LRP1B: variants seen among roughly 807,000 people sequenced by gnomAD.
The protein encoded by LRP1B is low-density lipoprotein receptor-related protein 1B.
Under a neutral mutation model 556.6 loss-of-function variants are expected in LRP1B, and 217 were observed. The ratio of observed to expected loss-of-function variants is 0.39; its 90% confidence interval spans 0.35 to 0.44. The LOEUF is 0.44. Ranked by LOEUF, LRP1B falls within the 20% of genes least tolerant of loss-of-function variation. LRP1B has a pLI of 1.00. For synonymous variants in LRP1B, 2,047 were observed against 1,865.8 expected, an observed-to-expected ratio of 1.10 and a Z score of -2.50; for missense variants, 5,053 against 5,620.8, an observed-to-expected ratio of 0.90 and a Z score of 3.23.
intron 2 of LRP1B, among the ~76,000 whole-genome samples, chr2:141,677,681 G>A (rs985495519): frequency 6.6e-6 from 1 of 152,056 alleles, no homozygotes; most frequent in Non-Finnish European, 1.5e-5. Flanking sequence ...TAGAGAAGGG[G>A]TTTCTCCATG....
At chr2:141,315,882 CTTTTTTTTTTTTTTTTTTT>C (rs70991157) in intron 3 of LRP1B, among the ~76,000 whole-genome samples, 6 of 18,116 alleles carry the variant, frequency 3.3e-4, no homozygotes, top group East Asian at 1.8e-3. Flanking sequence ...TTAGTCTGGT[CTTTTTTTTTTTTTTTTTTT>C]TTTTTTTTTT....
At chr2:140,678,411 G>A (rs1028466642) in intron 41 of LRP1B, among the ~76,000 whole-genome samples, 4 of 152,112 alleles carry the variant, frequency 2.6e-5, no homozygotes, top group African/African-American at 9.7e-5. Context: ...TCCATGTTTA[G>A]GTTGTAGTTT....
chr2:140,580,244 A>T (rs1681707250), intron 43 of LRP1B, among the ~76,000 whole-genome samples: 2 of 152,236 alleles, frequency 1.3e-5, no homozygotes, highest in African/African-American at 4.8e-5. Flanking sequence ...GTTCATAACA[A>T]AAAAGACGCA....
chr2:141,834,487 G>A (rs1420426385), intron 1 of LRP1B, among the ~76,000 whole-genome samples: 1 of 151,912 alleles, frequency 6.6e-6, no homozygotes, highest in Non-Finnish European at 1.5e-5. Context: ...GCTGTTTCTG[G>A]TGCAGGTGTT....
chr2:142,056,020 G>A (rs189431504), intron 1 of LRP1B, among the ~76,000 whole-genome samples: 153 of 152,074 alleles, frequency 1.0e-3, no homozygotes, highest in Middle Eastern at 3.4e-3. Context: ...GCGTGGTATC[G>A]CATGCCTGTA....
intron 41 of LRP1B, among the ~76,000 whole-genome samples, chr2:140,650,313 ATT>A (rs1449611158): frequency 7.4e-3 from 2 of 270 alleles, no homozygotes; most frequent in Non-Finnish European, 0.036. Context: ...TTTTATTTTT[ATT>A]TATTTATTTA....
At position 141,234,974 on chromosome 2, in the gene LRP1B, G is replaced by C. The variant is rs72855045; in HGVS notation, c.593-5534C>G. ...ATAATGGTCACATTGATTTCTCCCTGTTTTCATTCCTTAACTATTTTTTAA... is the reference window on the plus strand; with the variant it reads ...ATAATGGTCACATTGATTTCTCCCTCTTTTCATTCCTTAACTATTTTTTAA... On this transcript the variant is annotated intron_variant, in intron 5 of 90. Coordinates refer to ENST00000389484, the MANE Select transcript of LRP1B (RefSeq NM_018557.3). Among the ~76,000 whole-genome samples, 436 of 151,782 alleles carry C rather than the reference G, an allele frequency of 2.9e-3. 2 individuals carry two copies. The highest frequency in any genetic ancestry group is 4.9e-3 in the Non-Finnish European group (334 of 67,830).
At chr2:140,805,930 A>C (rs1690698484) in intron 32 of LRP1B, among the ~76,000 whole-genome samples, 1 of 152,162 alleles carries the variant, frequency 6.6e-6, no homozygotes, top group South Asian at 2.1e-4. Context: ...TCCCTCAAAA[A>C]TTCATATGTT....
chr2:140,738,169 T>G (rs1163299441), intron 35 of LRP1B, among the ~76,000 whole-genome samples: 1 of 152,156 alleles, frequency 6.6e-6, no homozygotes, highest in Non-Finnish European at 1.5e-5. Flanking sequence ...CACTTTGAAC[T>G]TCTTGTATCT....
At chr2:141,231,722 A>G (rs377182923) in intron 5 of LRP1B, among the ~76,000 whole-genome samples, 1 of 151,146 alleles carries the variant, frequency 6.6e-6, no homozygotes, top group East Asian at 2.0e-4. Flanking sequence ...AAGTTACATT[A>G]TTGTTGTCAA....
chr2:140,420,536 C>A (rs1685392513), intron 66 of LRP1B, among the ~76,000 whole-genome samples: 1 of 152,124 alleles, frequency 6.6e-6, no homozygotes, highest in Non-Finnish European at 1.5e-5. Flanking sequence ...AGTTATATGT[C>A]CATACAAGGA....
intron 28 of LRP1B, 72 bp downstream of exon 28, chr2:140,851,580 A>C (rs1692456471): frequency 2.6e-6 from 4 of 1,546,076 alleles, no homozygotes; most frequent in Non-Finnish European, 3.5e-6. Context: ...TATGAGTAAA[A>C]TCTGAATGCT....
At chr2:141,112,861 A>G (rs1236263462) in intron 7 of LRP1B, among the ~76,000 whole-genome samples, 1 of 152,250 alleles carries the variant, frequency 6.6e-6, no homozygotes, top group Non-Finnish European at 1.5e-5. Flanking sequence ...AACAACATTA[A>G]GCTGCATTTT....
Position 140,890,775 on chromosome 2 carries a change from G to T in LRP1B, c.3767-4440C>A, listed in dbSNP as rs765048149. On this transcript the variant is annotated intron_variant, in intron 23 of 90. Transcript: ENST00000389484. The stretch of plus-strand genomic sequence containing the variant: ...CCAATGTGTTATTTCATAAACCAGT[G>T]GGAAATCATGAAGATAGAATTTTAA... 3.0e-4 allele frequency among the ~76,000 whole-genome samples: 45 copies of T among 151,998 alleles called. 1 individual carries two copies. In the Middle Eastern group the frequency reaches 0.022, roughly 76 times the overall value.
In LRP1B at chr2:140,873,443, A is replaced by G. The variant is rs566564693; in HGVS notation, c.4170-5180T>C. Among the ~76,000 whole-genome samples, 21 of 152,224 alleles carry G rather than the reference A, an allele frequency of 1.4e-4. No individual in the cohort carries two copies. In the South Asian group the frequency reaches 4.1e-3, roughly 30 times the overall value. ...TGTAATTGTCTTTGTTTCAAAGCTA[A>G]ATTATAAACTATAAACTATAAACTA... On this transcript the variant is annotated intron_variant, in intron 25 of 90. Transcript: ENST00000389484.
intron 31 of LRP1B, among the ~76,000 whole-genome samples, chr2:140,825,348 A>C (rs1015174253): frequency 9.2e-5 from 14 of 152,176 alleles, no homozygotes; most frequent in African/African-American, 3.1e-4. Flanking sequence ...TTCCTTTTAG[A>C]TTCTAAACTC....
At chr2:141,904,068 T>C (rs1161429686) in intron 1 of LRP1B, among the ~76,000 whole-genome samples, 2 of 151,902 alleles carry the variant, frequency 1.3e-5, no homozygotes, top group Non-Finnish European at 2.9e-5. Context: ...CATAGAATCA[T>C]ATGTCAAGTT....
chr2:141,249,556 A>G (rs895844685), intron 4 of LRP1B, among the ~76,000 whole-genome samples: 2 of 152,106 alleles, frequency 1.3e-5, no homozygotes, highest in Non-Finnish European at 2.9e-5. Flanking sequence ...GAGATTGCAC[A>G]CTGCACTCCA....
chr2:141,553,531 G>A (rs1038179013), intron 2 of LRP1B, among the ~76,000 whole-genome samples: 1 of 151,144 alleles, frequency 6.6e-6, no homozygotes, highest in Non-Finnish European at 1.5e-5. Context: ...CAGTATAGTT[G>A]AGGAAACATT....
Sources: allele counts gnomAD v4.1 joint callset (sites outside exome capture counted in the v4.1 genomes callset), GRCh38; gene constraint gnomAD v4.1.1; transcripts MANE v1.5; gene names NCBI Gene and HGNC (gene_info 2026-07-23, HGNC 2026-07-21).